Variants in DPF3 observed in about 807,000 individuals in gnomAD.
DPF3 encodes the protein double PHD fingers 3, also known as zinc finger protein DPF3.
DPF3 carries 18 observed loss-of-function variants against 56.8 expected under a neutral mutation model. The observed-to-expected ratio is 0.32, with a 90% CI of 0.22 to 0.47. DPF3 has a LOEUF of 0.47. Among genes scored for constraint, DPF3 ranks in the 20% least tolerant of loss-of-function variants. DPF3 has a pLI of 1.00. For synonymous variants in DPF3, 188 were observed against 180.2 expected (o/e 1.04, Z -0.35); for missense variants, 403 against 488.8 (o/e 0.82, Z 1.65).
chr14:72,840,249 A>G (rs920257140), intron 1 of DPF3, among the ~76,000 whole-genome samples: 1 of 152,200 alleles, frequency 6.6e-6, no homozygotes, highest in Non-Finnish European at 1.5e-5. Flanking sequence ...CGCCAAGGTA[A>G]CTGACCCATG....
intron 1 of DPF3, among the ~76,000 whole-genome samples, chr14:72,871,492 C>T (rs1408304583): frequency 2.0e-5 from 3 of 152,194 alleles, no homozygotes; most frequent in African/African-American, 7.2e-5. Flanking sequence ...TTTACAGCGC[C>T]CAGGTAGGTC....
In DPF3 at chr14:72,727,563, G is replaced by A. The variant is rs145173190; in HGVS notation, c.430-3835C>T. ...TGCACTCCAGCCTGGGTGACGAGGC[G>A]AGACTCCATCTCAAAAAAAAAAAAA... On this transcript the variant is annotated intron_variant, in intron 4 of 10. Transcript: ENST00000556509. Among the ~76,000 whole-genome samples, 352 of 147,930 alleles carry A rather than the reference G, an allele frequency of 2.4e-3. 2 individuals carry two copies. The highest frequency in any genetic ancestry group is 8.0e-3 in the African/African-American group (321 of 40,070).
chr14:72,847,659 G>C (rs537879340), intron 1 of DPF3, among the ~76,000 whole-genome samples: 1 of 151,946 alleles, frequency 6.6e-6, no homozygotes, highest in South Asian at 2.1e-4. Context: ...TTACAGGCAC[G>C]TACCACCATG....
intron 8 of DPF3, among the ~76,000 whole-genome samples, chr14:72,638,227 G>A (rs1187002477): frequency 2.0e-5 from 3 of 151,816 alleles, no homozygotes; most frequent in African/African-American, 7.3e-5. Flanking sequence ...CAGGCAACCA[G>A]CTGCCCAAAG....
At chr14:72,749,924 C>T (rs970804483) in intron 3 of DPF3, among the ~76,000 whole-genome samples, 4 of 151,934 alleles carry the variant, frequency 2.6e-5, no homozygotes, top group East Asian at 1.9e-4. Flanking sequence ...GCCCTCACTA[C>T]GCTCACTATG....
rs529796830 is a variant in DPF3, at chr14:72,845,425, C to G, written c.32+48632G>C. Among the ~76,000 whole-genome samples the G allele has an allele frequency of 1.2e-4, 18 of 152,310 alleles. No individual in the cohort carries two copies. In the South Asian group the frequency reaches 3.1e-3, roughly 26 times the overall value. Reference sequence around the variant, plus strand: ...AGGCAGGAACTCAATCAGCTACCTACTTGTCCACGAGCTAGCCCTCCCCAG... The same window carrying G: ...AGGCAGGAACTCAATCAGCTACCTAGTTGTCCACGAGCTAGCCCTCCCCAG... On this transcript the variant is annotated intron_variant, in intron 1 of 10. Transcript: ENST00000556509.
intron 1 of DPF3, among the ~76,000 whole-genome samples, chr14:72,804,180 GACACACAC>G (rs545355128): frequency 8.9e-4 from 119 of 133,258 alleles, no homozygotes; most frequent in African/African-American, 2.6e-3. Flanking sequence ...TGCTTTCCAG[GACACACAC>G]ACACACACAC....
intron 8 of DPF3, among the ~76,000 whole-genome samples, chr14:72,659,354 T>C (rs536145069): frequency 3.3e-5 from 5 of 152,316 alleles, no homozygotes; most frequent in African/African-American, 1.2e-4. Flanking sequence ...GTGTGTACTT[T>C]TGCCCTCCCT....
intron 1 of DPF3, among the ~76,000 whole-genome samples, chr14:72,868,842 A>G (rs1010092321): frequency 6.6e-6 from 1 of 152,092 alleles, no homozygotes; most frequent in Non-Finnish European, 1.5e-5. Flanking sequence ...TACCCAGACA[A>G]GCTTCCCCAA....
intron 1 of DPF3, among the ~76,000 whole-genome samples, chr14:72,816,292 C>T (rs898961655): frequency 1.4e-4 from 22 of 152,232 alleles, no homozygotes; most frequent in Admixed American, 3.3e-4. Context: ...AGGATAACAT[C>T]ATAACCTTAA....
intron 8 of DPF3, chr14:72,661,099 A>G: frequency 2.0e-6 from 2 of 985,480 alleles, no homozygotes; most frequent in Non-Finnish European, 2.4e-6. Flanking sequence ...CACTTGGTAC[A>G]AACCCTACAT....
chr14:72,617,624 G>A lies in DPF3; in HGVS notation c.*1673C>T, dbSNP rs1884161889. Among the ~76,000 whole-genome samples the A allele has an allele frequency of 6.6e-6, 1 of 152,190 alleles. No homozygotes were observed. The highest frequency in any genetic ancestry group is 6.5e-5 in the Admixed American group (1 of 15,272). The stretch of plus-strand genomic sequence containing the variant: ...CCCATCGCTTGCCACAGGTCACTCT[G>A]CTGAAGCGTGGGGGAGACCCACACT... On this transcript the variant is annotated 3_prime_UTR_variant, in exon 11 of 11. Coordinates refer to ENST00000556509, the MANE Select transcript of DPF3 (RefSeq NM_001280542.3).
chr14:72,723,177 C>T (rs181600040), intron 5 of DPF3, among the ~76,000 whole-genome samples: 4 of 151,716 alleles, frequency 2.6e-5, no homozygotes, highest in East Asian at 1.9e-4. Context: ...CTAATGCTAT[C>T]CCTCCCCCCA....
At chr14:72,718,293 G>C (rs997198730) in intron 5 of DPF3, among the ~76,000 whole-genome samples, 2 of 152,176 alleles carry the variant, frequency 1.3e-5, no homozygotes, top group South Asian at 2.1e-4. Context: ...GAAGCTGAAA[G>C]ACCCTTGACT....
At chr14:72,799,205 A>C (rs1892766847) in intron 1 of DPF3, among the ~76,000 whole-genome samples, 1 of 152,064 alleles carries the variant, frequency 6.6e-6, no homozygotes, top group Non-Finnish European at 1.5e-5. Flanking sequence ...CATCCTCCCT[A>C]TGGTGGACAT....
intron 9 of DPF3, among the ~76,000 whole-genome samples, chr14:72,626,763 C>A (rs1599312940): frequency 2.0e-5 from 3 of 152,128 alleles, no homozygotes; most frequent in Admixed American, 2.0e-4. Flanking sequence ...AATTTCCCTC[C>A]CCAGGGTTGT....
chr14:72,781,497 T>C (rs1327015520), intron 1 of DPF3, among the ~76,000 whole-genome samples: 1 of 152,200 alleles, frequency 6.6e-6, no homozygotes, highest in African/African-American at 2.4e-5. Context: ...TAAATCCCTT[T>C]TCCAGCATCT....
chr14:72,761,050 C>T (rs935562853), intron 2 of DPF3, among the ~76,000 whole-genome samples: 3 of 151,980 alleles, frequency 2.0e-5, no homozygotes, highest in African/African-American at 7.2e-5. Context: ...AATGTTTATA[C>T]ACCTAATAAC....
chr14:72,651,958 A>G lies in DPF3; in HGVS notation c.872-22222T>C, dbSNP rs147367051. Among the ~76,000 whole-genome samples the G allele has an allele frequency of 5.8e-3, 878 of 152,284 alleles. 16 individuals are homozygous for G. The highest frequency in any genetic ancestry group is 0.02 in the African/African-American group (849 of 41,570). On this transcript the variant is annotated intron_variant, in intron 8 of 10. Coordinates refer to ENST00000556509, the MANE Select transcript of DPF3 (RefSeq NM_001280542.3). ...CCAGCCCATGGGCAACAGGACTCAC[A>G]GCCAGGATGGGTTCTCCCTGGGGCT...
Sources: gnomAD v4.1 joint callset for allele counts (sites outside exome capture counted in the v4.1 genomes callset) on GRCh38, gnomAD v4.1.1 for gene constraint, MANE v1.5 for transcripts, NCBI Gene and HGNC (gene_info 2026-07-23, HGNC 2026-07-21) for gene names.